The following HACD2 variants were observed in gnomAD, a reference collection of about 807,000 sequenced individuals.
HACD2 encodes very-long-chain (3R)-3-hydroxyacyl-CoA dehydratase 2.
Under a neutral mutation model 31.0 loss-of-function variants are expected in HACD2, and 15 were observed. That is an observed-to-expected ratio of 0.48 (90% CI 0.32 to 0.75). The LOEUF is 0.75. Among genes scored for constraint, HACD2 ranks in the 30% least tolerant of loss-of-function variants. HACD2 has a pLI of 0.03. For missense variants in HACD2, 283 were observed against 313.0 expected, an observed-to-expected ratio of 0.90 and a Z score of 0.72; for synonymous variants, 115 against 122.2, an observed-to-expected ratio of 0.94 and a Z score of 0.39.
At chr3:123,537,887 C>A (rs1327670816) in intron 3 of HACD2, among the ~76,000 whole-genome samples, 1 of 124,310 alleles carries the variant, frequency 8.0e-6, no homozygotes, top group Non-Finnish European at 1.7e-5. Context: ...TTAAAAAAAT[C>A]ATTATTCTTA....
intron 3 of HACD2, among the ~76,000 whole-genome samples, chr3:123,537,190 T>C (rs1559916643): frequency 6.6e-6 from 1 of 152,258 alleles, no homozygotes. Context: ...ATTGTCTAAA[T>C]GTCCTTAATA....
rs1388209302 is a variant in HACD2 at position 123,493,274 on chromosome 3, T to C, written c.*1614A>G. 5 of 152,280 alleles carry C rather than the reference T, an allele frequency of 3.3e-5. No individual in the cohort carries two copies. The highest frequency in any genetic ancestry group is 7.3e-5 in the Non-Finnish European group (5 of 68,032). The allele number at this position is 152,280 out of a possible 1,614,324, so 9.4% of individuals were successfully genotyped here. A position where few individuals can be genotyped will look rare whatever the true frequency, so the allele number is the denominator to read the frequency against. ...AGGAGGCTGAGGCAGGAGGATGGCG[T>C]GAACCCGGGAGGTGGAGCTTGCAGT... On this transcript the variant is annotated 3_prime_UTR_variant, in exon 7 of 7. Coordinates refer to ENST00000383657, the MANE Select transcript of HACD2 (RefSeq NM_198402.5).
chr3:123,566,161 C>T (rs2056789884), intron 3 of HACD2, among the ~76,000 whole-genome samples: 1 of 152,158 alleles, frequency 6.6e-6, no homozygotes, highest in Admixed American at 6.5e-5. Flanking sequence ...CCCTACACGC[C>T]CCTCCAAATA....
chr3:123,558,657 G>A (rs1327434741), intron 3 of HACD2, among the ~76,000 whole-genome samples: 2 of 152,156 alleles, frequency 1.3e-5, no homozygotes, highest in African/African-American at 4.8e-5. Flanking sequence ...AAAGGAAACT[G>A]AACTATAAAA....
At chr3:123,508,943 T>C (rs181647397) in intron 4 of HACD2, among the ~76,000 whole-genome samples, 42 of 152,304 alleles carry the variant, frequency 2.8e-4, no homozygotes, top group African/African-American at 9.9e-4. Context: ...GGTATCTTTT[T>C]TCATAAGGGT....
At chr3:123,497,171 C>T (rs1338456813) in intron 6 of HACD2, among the ~76,000 whole-genome samples, 1 of 152,334 alleles carries the variant, frequency 6.6e-6, no homozygotes, top group Non-Finnish European at 1.5e-5. Flanking sequence ...CTGAACCCGA[C>T]CATGAGACTG....
At chr3:123,529,088 C>A (rs1403877380) in intron 3 of HACD2, among the ~76,000 whole-genome samples, 1 of 151,768 alleles carries the variant, frequency 6.6e-6, no homozygotes, top group African/African-American at 2.4e-5. Flanking sequence ...ACACTGGAAT[C>A]ATCTTTGATT....
chr3:123,582,065 T>G (rs1366627364), intron 2 of HACD2, 147 bp downstream of exon 2: 2 of 433,752 alleles, frequency 4.6e-6, no homozygotes, highest in Non-Finnish European at 8.4e-6. Context: ...TCAAAAAGCC[T>G]AGGTATCAAC....
In HACD2 at chr3:123,500,518, G is replaced by T. The variant is rs1353736951; in HGVS notation, c.679C>A (p.Pro227Thr). The T allele has an allele frequency of 4.4e-6, 7 of 1,593,352 alleles. No homozygotes were observed. Among genetic ancestry groups the T allele is most frequent in the African/African-American group, 2.7e-5 (2 of 74,324 alleles). The change falls in exon 6 of 7, where the codon CCA becomes ACA. Residue 227 changes from proline (P) to threonine (T), a missense_variant. Physicochemically the swap from Pro to Thr is conservative, Grantham distance 38 (BLOSUM62 -1). Transcript: ENST00000383657. ...ATACGCATAACTGTTTACTTACTTG[G>T]AATGTAGGAGATCATTATTAGAATC... ...FLILIMISYIPIFPQLYFHMI... is the reference protein window; with the variant it reads ...FLILIMISYITIFPQLYFHMI...
chr3:123,520,465 A>G (rs190241330), intron 4 of HACD2, among the ~76,000 whole-genome samples: 27 of 152,360 alleles, frequency 1.8e-4, no homozygotes, highest in African/African-American at 6.0e-4. Context: ...CTGAAATTCA[A>G]TTCCTCAGTC....
rs188605734 is a variant in HACD2 at position 123,536,813 on chromosome 3, G to A, written c.293-8339C>T. On this transcript the variant is annotated intron_variant, in intron 3 of 6. Coordinates refer to ENST00000383657, the MANE Select transcript of HACD2 (RefSeq NM_198402.5). ...CAACACTATAAAGGTCTGAGTCAAA[G>A]AGAGTATGTTCGAGGATATCATACC... Among the ~76,000 whole-genome samples the A allele has an allele frequency of 1.4e-4, 22 of 152,298 alleles. No homozygotes were observed. In the East Asian group the frequency reaches 1.5e-3, roughly 11 times the overall value.
intron 3 of HACD2, among the ~76,000 whole-genome samples, chr3:123,539,813 G>A (rs200450216): frequency 2.0e-5 from 3 of 149,534 alleles, no homozygotes; most frequent in Non-Finnish European, 3.0e-5. Flanking sequence ...TGGGCTGGGC[G>A]CGGTGGCTCA....
chr3:123,541,830 A>G (rs1049443926), intron 3 of HACD2, among the ~76,000 whole-genome samples: 4 of 152,242 alleles, frequency 2.6e-5, no homozygotes, highest in South Asian at 2.1e-4. Context: ...TGAAATGTTC[A>G]CAATGTAAAA....
chr3:123,565,251 TTAAAA>T (rs1174771136), intron 3 of HACD2, among the ~76,000 whole-genome samples: 4 of 152,170 alleles, frequency 2.6e-5, no homozygotes, highest in Admixed American at 2.0e-4. Flanking sequence ...ATTTGGGGTA[TTAAAA>T]TAAAACTAAC....
At chr3:123,499,688 T>C in intron 6 of HACD2, 2 of 454,932 alleles carry the variant, frequency 4.4e-6, no homozygotes, top group Non-Finnish European at 4.4e-6. Context: ...TAAAATAAGA[T>C]TCAGAGTTAC....
In HACD2 at chr3:123,512,221, C is replaced by T. The variant is rs77535127; in HGVS notation, c.382-9540G>A. ...AAATCTATCTCGAAAGCTTGTTTCT[C>T]TTTTCTATCTCTGCTAAGCAGAAAT... On this transcript the variant is annotated intron_variant, in intron 4 of 6. Coordinates refer to ENST00000383657, the MANE Select transcript of HACD2 (RefSeq NM_198402.5). Among the ~76,000 whole-genome samples the T allele has an allele frequency of 8.7e-3, 1,323 of 152,178 alleles. 18 individuals are homozygous for T. Among genetic ancestry groups the T allele is most frequent in the African/African-American group, 0.03 (1,238 of 41,518 alleles).
At chr3:123,532,206 C>A (rs1038865836) in intron 3 of HACD2, among the ~76,000 whole-genome samples, 1 of 152,182 alleles carries the variant, frequency 6.6e-6, no homozygotes, top group Non-Finnish European at 1.5e-5. Context: ...TCTGGCCTTG[C>A]CTGCAGGTGC....
chr3:123,562,908 C>A lies in HACD2; in HGVS notation c.292+4854G>T, dbSNP rs192837365. Among the ~76,000 whole-genome samples, 436 of 152,280 alleles carry A rather than the reference C, an allele frequency of 2.9e-3. 2 individuals carry two copies. Among genetic ancestry groups the A allele is most frequent in the African/African-American group, 9.8e-3 (406 of 41,562 alleles). ...CATTCCACAAATAAACTTAAGTGATCTAAGTAAAAATGAAGCATTGCCTTT... is the reference window on the plus strand; with the variant it reads ...CATTCCACAAATAAACTTAAGTGATATAAGTAAAAATGAAGCATTGCCTTT... On this transcript the variant is annotated intron_variant, in intron 3 of 6. Transcript: ENST00000383657.
chr3:123,539,069 T>A (rs919305068), intron 3 of HACD2, among the ~76,000 whole-genome samples: 1 of 152,206 alleles, frequency 6.6e-6, no homozygotes, highest in East Asian at 1.9e-4. Flanking sequence ...ATATACAGTA[T>A]ATCTTCATGG....
Sources: allele counts gnomAD v4.1 joint callset (sites outside exome capture counted in the v4.1 genomes callset), GRCh38; gene constraint gnomAD v4.1.1; transcripts MANE v1.5; gene names NCBI Gene and HGNC (gene_info 2026-07-23, HGNC 2026-07-21).